The following ADCY5 variants were observed in gnomAD, a reference collection of about 807,000 sequenced individuals.
The protein encoded by ADCY5 is adenylate cyclase 5.
ADCY5 carries 30 observed loss-of-function variants against 119.7 expected under a neutral mutation model. The ratio of observed to expected loss-of-function variants is 0.25; its 90% CI spans 0.19 to 0.34. The LOEUF is 0.34. Ranked by LOEUF, ADCY5 falls within the 10% of genes least tolerant of loss-of-function variation. The pLI, the probability that ADCY5 is intolerant of heterozygous loss-of-function variation, is 1.00. For missense variants in ADCY5, 1,324 were observed against 1,775.2 expected, an observed-to-expected ratio of 0.75 and a Z score of 4.57; for synonymous variants, 753 against 762.2, an observed-to-expected ratio of 0.99 and a Z score of 0.20.
rs1938775803 is a variant in ADCY5, at chr3:123,286,512, A to G, written c.3657+173T>C. On this transcript the variant is annotated intron_variant, in intron 20 of 20. Transcript: ENST00000462833. This position sits in a 1 kb window ranked among gnomAD's most constrained non-coding sequence, Gnocchi z 4.2. ...CTGTCCAAGGTGCTGAGGGCCTGAA[A>G]CACAATTGTGTTCTCCAAGCTTCCA... Among the ~76,000 whole-genome samples the G allele has an allele frequency of 6.6e-6, 1 of 152,112 alleles. No homozygotes were observed. The highest frequency in any genetic ancestry group is 1.5e-5 in the Non-Finnish European group (1 of 67,998).
At chr3:123,434,738 A>G (rs9631459) in intron 1 of ADCY5, among the ~76,000 whole-genome samples, 15,581 of 151,732 alleles carry the variant, frequency 0.1, 1,082 homozygotes, top group Non-Finnish European at 0.15. Flanking sequence ...TAGTTTCAAA[A>G]CTCCCCAGGG....
intron 3 of ADCY5, among the ~76,000 whole-genome samples, chr3:123,343,075 G>A (rs1443825792): frequency 6.6e-6 from 1 of 152,232 alleles, no homozygotes; most frequent in Admixed American, 6.5e-5. Context: ...GAACAATAGA[G>A]CAGTACGTTG....
intron 1 of ADCY5, among the ~76,000 whole-genome samples, chr3:123,391,591 C>T (rs1944402587): frequency 6.6e-6 from 1 of 152,170 alleles, no homozygotes; most frequent in Non-Finnish European, 1.5e-5. Flanking sequence ...CAGCCTCCAC[C>T]ATCACCCCTT....
At chr3:123,418,619 A>C (rs1306808685) in intron 1 of ADCY5, among the ~76,000 whole-genome samples, 2 of 152,004 alleles carry the variant, frequency 1.3e-5, no homozygotes, top group African/African-American at 4.8e-5. Flanking sequence ...GTGAGAACTC[A>C]CTCACTACCA....
At chr3:123,289,166 C>T (rs571210477) in intron 19 of ADCY5, among the ~76,000 whole-genome samples, 5 of 152,268 alleles carry the variant, frequency 3.3e-5, no homozygotes, top group Admixed American at 2.0e-4. Context: ...GTTTTGCTAA[C>T]GATTTTGCAG....
intron 1 of ADCY5, among the ~76,000 whole-genome samples, chr3:123,379,606 G>A (rs1214612908): frequency 5.9e-5 from 9 of 152,048 alleles, no homozygotes; most frequent in Non-Finnish European, 1.2e-4. Flanking sequence ...GAGAGAGGAG[G>A]TGTGGAGAAG....
chr3:123,442,962 T>G (rs1945747399), intron 1 of ADCY5, among the ~76,000 whole-genome samples: 1 of 152,242 alleles, frequency 6.6e-6, no homozygotes, highest in Admixed American at 6.5e-5. Context: ...GGGTTGAGCC[T>G]GCTGCTGAAG....
chr3:123,403,794 C>T (rs565523990), intron 1 of ADCY5, among the ~76,000 whole-genome samples: 1 of 152,350 alleles, frequency 6.6e-6, no homozygotes, highest in African/African-American at 2.4e-5. Flanking sequence ...CCTGCATGGA[C>T]CCCGGGTCCC....
At chr3:123,389,494 CAA>C (rs139115987) in intron 1 of ADCY5, among the ~76,000 whole-genome samples, 22,390 of 151,894 alleles carry the variant, frequency 0.15, 1,763 homozygotes, top group East Asian at 0.35. Flanking sequence ...AGAGTTTTCG[CAA>C]AAGAGAGCTA....
chr3:123,447,442 G>T lies in ADCY5; in HGVS notation c.1104C>A (p.Thr368=). 1.2e-6 allele frequency: 2 copies of T among 1,601,614 alleles called. No homozygotes were observed. ...SALHLAIALR[T]NAQDQFLLKQ... is the part of the protein sequence containing the mutation. ...TCAGCAGGAACTGGTCCTGGGCGTT[G>T]GTGCGCAGGGCGATGGCCAGGTGGA... is the stretch of plus-strand genomic sequence containing the variant. Residue 368 remains threonine (T), a synonymous_variant, in exon 1 of 21, where the codon ACC becomes ACA. Coordinates refer to ENST00000462833, the MANE Select transcript of ADCY5 (RefSeq NM_183357.3).
rs1938514354 is a variant in ADCY5, at chr3:123,283,547, AT to A, written c.*1060del. 10 of 152,234 alleles carry A rather than the reference AT, an allele frequency of 6.6e-5. No individual in the cohort carries two copies. Among genetic ancestry groups the A allele is most frequent in the African/African-American group, 1.7e-4 (7 of 41,450 alleles). 9.4% of individuals were successfully genotyped at this position (152,234 alleles called of 1,614,324 possible). The stretch of plus-strand genomic sequence containing the variant: ...ATGCATCCTCCTACTTAATCTGAGC[AT>A]ATGGTACCCCAAAAGCACACACCCA... On this transcript the variant is annotated 3_prime_UTR_variant, in exon 21 of 21. Transcript: ENST00000462833.
chr3:123,410,812 T>A (rs769021094), intron 1 of ADCY5, among the ~76,000 whole-genome samples: 2 of 152,168 alleles, frequency 1.3e-5, no homozygotes, highest in Non-Finnish European at 2.9e-5. Flanking sequence ...CTTGCTGGGC[T>A]AACTTTTTCA....
In ADCY5 at chr3:123,427,254, C is replaced by T. The variant is rs75027450; in HGVS notation, c.1134+20158G>A. Among the ~76,000 whole-genome samples, 1,254 of 152,340 alleles carry T rather than the reference C, an allele frequency of 8.2e-3. 19 individuals are homozygous for T. Among genetic ancestry groups the T allele is most frequent in the African/African-American group, 0.029 (1,189 of 41,558 alleles). Reference sequence around the variant, plus strand: ...TGTAGACCACCTCCATGCCCTAACACTAGACCCACCTTTCTAATCACAGGT... The same window carrying T: ...TGTAGACCACCTCCATGCCCTAACATTAGACCCACCTTTCTAATCACAGGT... On this transcript the variant is annotated intron_variant, in intron 1 of 20. Coordinates refer to ENST00000462833, the MANE Select transcript of ADCY5 (RefSeq NM_183357.3).
chr3:123,438,613 T>A (rs1945667555), intron 1 of ADCY5, among the ~76,000 whole-genome samples: 1 of 152,192 alleles, frequency 6.6e-6, no homozygotes, highest in African/African-American at 2.4e-5. Context: ...CAGGCTCAGT[T>A]ATCAGATCAA....
chr3:123,314,128 A>G (rs1940753208), intron 12 of ADCY5, 107 bp downstream of exon 12: 2 of 841,334 alleles, frequency 2.4e-6, no homozygotes, highest in Non-Finnish European at 3.8e-6. Context: ...CACCCCTGCC[A>G]AGCACAATAC....
At chr3:123,296,363 C>T in intron 16 of ADCY5, 147 bp from the exon 17 acceptor site, 8 of 953,614 alleles carry the variant, frequency 8.4e-6, no homozygotes, top group African/African-American at 1.7e-5. Flanking sequence ...AACTTTGCCG[C>T]ACGCGTGCCT....
At chr3:123,408,716 C>T (rs559828391) in intron 1 of ADCY5, among the ~76,000 whole-genome samples, 17 of 150,696 alleles carry the variant, frequency 1.1e-4, no homozygotes, top group Non-Finnish European at 2.5e-4. Flanking sequence ...GTGGCTCACT[C>T]CTGTAATCTC....
chr3:123,435,027 A>G (rs1945582932), intron 1 of ADCY5, among the ~76,000 whole-genome samples: 2 of 152,180 alleles, frequency 1.3e-5, no homozygotes, highest in East Asian at 1.9e-4. Context: ...GCACACACCT[A>G]TAATCCCAGC....
intron 15 of ADCY5, among the ~76,000 whole-genome samples, chr3:123,299,206 A>T (rs948900116): frequency 6.6e-6 from 1 of 152,188 alleles, no homozygotes; most frequent in Admixed American, 6.5e-5. Flanking sequence ...GACAAAGGAC[A>T]ACTCTGATCT....
Sources: allele counts gnomAD v4.1 joint callset (sites outside exome capture counted in the v4.1 genomes callset), GRCh38; gene constraint gnomAD v4.1.1; non-coding constraint Gnocchi (gnomAD v3.1); transcripts MANE v1.5; gene names NCBI Gene and HGNC (gene_info 2026-07-23, HGNC 2026-07-21).